Variants in NRXN3 observed in about 807,000 individuals in gnomAD.
NRXN3 encodes neurexin 3, also known as neurexin III.
A neutral mutation model predicts 137.6 loss-of-function variants in NRXN3; 32 were observed. The ratio of observed to expected loss-of-function variants is 0.23; its 90% CI spans 0.18 to 0.31. NRXN3 has a LOEUF of 0.31. NRXN3 is among the 10% of genes least tolerant of loss of function. The pLI is 1.00. For synonymous variants in NRXN3, 798 were observed against 784.5 expected, an observed-to-expected ratio of 1.02 and a Z score of -0.29; for missense variants, 1,574 against 2,062.5, an observed-to-expected ratio of 0.76 and a Z score of 4.59.
intron 15 of NRXN3, among the ~76,000 whole-genome samples, chr14:79,185,569 C>T (rs1453935334): frequency 6.6e-6 from 1 of 151,838 alleles, no homozygotes; most frequent in Non-Finnish European, 1.5e-5. Flanking sequence ...GGGTTCACGC[C>T]ATTCTCCTGC....
intron 15 of NRXN3, among the ~76,000 whole-genome samples, chr14:79,425,626 C>T (rs945823065): frequency 4.6e-5 from 7 of 152,178 alleles, no homozygotes; most frequent in South Asian, 2.1e-4. Flanking sequence ...ACTAGAGATC[C>T]GAAAAGTAAA....
At chr14:79,157,548 A>G (rs1298207648) in intron 15 of NRXN3, among the ~76,000 whole-genome samples, 1 of 151,854 alleles carries the variant, frequency 6.6e-6, no homozygotes, top group Non-Finnish European at 1.5e-5. Context: ...TTATCTTGGC[A>G]TGTCCTGTCA....
At chr14:78,222,701 C>T (rs1382801198) in intron 1 of NRXN3, among the ~76,000 whole-genome samples, 1 of 152,124 alleles carries the variant, frequency 6.6e-6, no homozygotes, top group East Asian at 1.9e-4. Flanking sequence ...AACATCCATC[C>T]TTGGAAAGAG....
Position 78,967,198 on chromosome 14 carries a change from T to C in NRXN3, c.2778-10T>C, listed in dbSNP as rs1170498501. The C allele has an allele frequency of 2.5e-6, 4 of 1,571,576 alleles. No individual in the cohort carries two copies. The highest frequency in any genetic ancestry group is 3.4e-6 in the Non-Finnish European group (4 of 1,164,872). ...TTCCAATTATTGTTTTTTTTTTTTT[T>C]TCTTCCTAGGTATATACACTACGTT... is the stretch of plus-strand genomic sequence containing the variant. On this transcript the variant is annotated splice_polypyrimidine_tract_variant and intron_variant, in intron 12 of 20. Transcript: ENST00000335750.
chr14:78,838,352 AT>A (rs909995322), intron 10 of NRXN3, among the ~76,000 whole-genome samples: 1 of 152,148 alleles, frequency 6.6e-6, no homozygotes, highest in East Asian at 1.9e-4. Context: ...ATTTCTACAG[AT>A]TTTTTTATTG....
In NRXN3 at chr14:78,243,485, C is replaced by G; in HGVS notation, c.392C>G (p.Ser131Cys). 6.3e-7 allele frequency: 1 copy of G among 1,589,240 alleles called. No individual in the cohort carries two copies. Among genetic ancestry groups the G allele is most frequent in the Non-Finnish European group, 8.5e-7 (1 of 1,175,440 alleles). The change falls in exon 2 of 21, where the codon TCT becomes TGT. Residue 131 changes from serine to cysteine, a missense_variant. By Grantham distance (112) the Ser-to-Cys change is moderately radical. Coordinates refer to ENST00000335750, the MANE Select transcript of NRXN3 (RefSeq NM_001330195.2). The surrounding 1 kb of genome is among the most constrained non-coding windows in gnomAD (Gnocchi z 4.2). Reference protein sequence around the residue: ...TVLMLDGEGQSGELQPQRPYM... With the variant: ...TVLMLDGEGQCGELQPQRPYM... ...CTGATGCTTGATGGCGAGGGCCAGT[C>G]TGGGGAGCTGCAGCCCCAGCGGCCC...
intron 15 of NRXN3, among the ~76,000 whole-genome samples, chr14:79,394,175 T>G (rs2094944201): frequency 6.6e-6 from 1 of 152,184 alleles, no homozygotes; most frequent in Non-Finnish European, 1.5e-5. Flanking sequence ...TATAATCATT[T>G]GTGTTAATGT....
chr14:78,354,707 G>T (rs1331095442), intron 4 of NRXN3, among the ~76,000 whole-genome samples: 2 of 152,206 alleles, frequency 1.3e-5, no homozygotes, highest in Non-Finnish European at 2.9e-5. Context: ...ATGCCTGAAA[G>T]ATGTGTGTTT....
intron 15 of NRXN3, among the ~76,000 whole-genome samples, chr14:79,049,075 T>A (rs200297652): frequency 0.25 from 5,476 of 22,188 alleles, 1,344 homozygotes; most frequent in East Asian, 0.43. Flanking sequence ...AAAAAAAAAA[T>A]AATAATAATA....
At position 78,728,538 on chromosome 14, in the gene NRXN3, G is replaced by A. The variant is rs557295657; in HGVS notation, c.2044+13399G>A. On this transcript the variant is annotated intron_variant, in intron 8 of 20. Coordinates refer to ENST00000335750, the MANE Select transcript of NRXN3 (RefSeq NM_001330195.2). Reference sequence around the variant, plus strand: ...ATTCACATTTATTGAGTACCTGCATGTGCCAGGTATAATTTGGTCCTTAAA... The same window carrying A: ...ATTCACATTTATTGAGTACCTGCATATGCCAGGTATAATTTGGTCCTTAAA... 2.0e-5 allele frequency among the ~76,000 whole-genome samples: 3 copies of A among 152,286 alleles called. No individual in the cohort carries two copies. In the South Asian group the frequency reaches 6.2e-4, roughly 32 times the overall value.
At chr14:79,533,646 TC>T (rs1481569359) in intron 16 of NRXN3, among the ~76,000 whole-genome samples, 1 of 152,170 alleles carries the variant, frequency 6.6e-6, no homozygotes, top group East Asian at 1.9e-4. Context: ...AAACCCATGT[TC>T]TATTCAAAAA....
intron 20 of NRXN3, among the ~76,000 whole-genome samples, chr14:79,834,283 G>A (rs1055151997): frequency 7.3e-5 from 3 of 41,044 alleles, no homozygotes; most frequent in African/African-American, 2.5e-4. Context: ...ATTCCACCTG[G>A]AGCCTATTCT....
At chr14:79,779,373 A>G (rs998532622) in intron 19 of NRXN3, among the ~76,000 whole-genome samples, 1 of 152,188 alleles carries the variant, frequency 6.6e-6, no homozygotes, top group Non-Finnish European at 1.5e-5. Flanking sequence ...TCGGCCTCCC[A>G]AAGTGCTGGG....
intron 15 of NRXN3, among the ~76,000 whole-genome samples, chr14:79,041,342 G>C (rs2099624708): frequency 1.3e-5 from 2 of 152,112 alleles, no homozygotes; most frequent in Admixed American, 1.3e-4. Context: ...GCTGAGTTTA[G>C]GTGACCCGTT....
chr14:79,049,417 C>T (rs993001388), intron 15 of NRXN3, among the ~76,000 whole-genome samples: 4 of 152,108 alleles, frequency 2.6e-5, no homozygotes, highest in African/African-American at 9.7e-5. Context: ...ACATTTTCTC[C>T]TGTACTTCTG....
chr14:79,034,152 G>A (rs1208150197), intron 15 of NRXN3, among the ~76,000 whole-genome samples: 1 of 152,030 alleles, frequency 6.6e-6, no homozygotes, highest in African/African-American at 2.4e-5. Context: ...GACAGTCTAT[G>A]AATGTGAGAC....
intron 19 of NRXN3, among the ~76,000 whole-genome samples, chr14:79,799,996 T>C (rs2099172495): frequency 1.3e-5 from 2 of 152,220 alleles, no homozygotes; most frequent in Admixed American, 6.5e-5. Flanking sequence ...TGATGACATA[T>C]ACCACTGACA....
intron 10 of NRXN3, among the ~76,000 whole-genome samples, chr14:78,929,071 G>A (rs1376782493): frequency 1.3e-5 from 2 of 152,046 alleles, no homozygotes; most frequent in African/African-American, 2.4e-5. Flanking sequence ...ATTTTTTCAT[G>A]TGTTTTTTGG....
At chr14:79,528,927 T>A (rs2097145487) in intron 16 of NRXN3, among the ~76,000 whole-genome samples, 1 of 152,138 alleles carries the variant, frequency 6.6e-6, no homozygotes, top group Admixed American at 6.5e-5. Flanking sequence ...AATGATCACA[T>A]CCTGAACAAG....
Sources: allele counts gnomAD v4.1 joint callset (sites outside exome capture counted in the v4.1 genomes callset), GRCh38; gene constraint gnomAD v4.1.1; non-coding constraint Gnocchi (gnomAD v3.1); transcripts MANE v1.5; gene names NCBI Gene and HGNC (gene_info 2026-07-23, HGNC 2026-07-21).